Variants in MEGF11 observed in about 807,000 individuals in gnomAD.
The protein encoded by MEGF11 is multiple epidermal growth factor-like domains protein 11.
A neutral mutation model predicts 146.6 loss-of-function variants in MEGF11; 126 were observed. The ratio of observed to expected loss-of-function variants is 0.86; its 90% CI spans 0.74 to 1.00. The LOEUF (loss-of-function observed/expected upper bound fraction) is 1.00. MEGF11 is among the 50% of genes least tolerant of loss of function. The pLI is 0.00. For missense variants in MEGF11, 1,509 were observed against 1,521.2 expected (o/e 0.99, Z 0.13); for synonymous variants, 532 against 583.4 (o/e 0.91, Z 1.27).
At chr15:66,180,522 C>T (rs2141148794) in intron 1 of MEGF11, among the ~76,000 whole-genome samples, 1 of 152,340 alleles carries the variant, frequency 6.6e-6, no homozygotes, top group East Asian at 1.9e-4. Flanking sequence ...GTCTCATCCC[C>T]CTCCTGACAG....
chr15:66,145,657 G>T (rs530247678), intron 1 of MEGF11, among the ~76,000 whole-genome samples: 1 of 152,176 alleles, frequency 6.6e-6, no homozygotes, highest in African/African-American at 2.4e-5. Flanking sequence ...CTCAAATAAC[G>T]GAGATGGGGA....
rs1567188837 is a variant in MEGF11 at position 65,982,405 on chromosome 15, C to T, written c.478G>A (p.Ala160Thr). The T allele has an allele frequency of 3.3e-6, 5 of 1,534,114 alleles. No individual in the cohort carries two copies. The highest frequency in any genetic ancestry group is 3.5e-6 in the Non-Finnish European group (4 of 1,142,574). The change falls in exon 6 of 26, where the codon GCC becomes ACC. Residue 160 changes from alanine to threonine, a missense_variant. By Grantham distance (58) the Ala-to-Thr change is moderately conservative. Coordinates refer to ENST00000395614, the MANE Select transcript of MEGF11 (RefSeq NM_001385028.1). This position sits in a 1 kb window ranked among gnomAD's most constrained non-coding sequence, Gnocchi z 5.6. ...NGALCNPITG[A>T]CVCAAGFRGW... is the part of the protein sequence containing the mutation. ...CGGAAGCCGGCGGCGCACACGCAGGCGCCTGTGATGGGGTTACACAGGGCG... is the reference window on the plus strand; with the variant it reads ...CGGAAGCCGGCGGCGCACACGCAGGTGCCTGTGATGGGGTTACACAGGGCG...
chr15:66,163,300 A>G (rs2090005064), intron 1 of MEGF11, among the ~76,000 whole-genome samples: 1 of 152,236 alleles, frequency 6.6e-6, no homozygotes, highest in Non-Finnish European at 1.5e-5. Flanking sequence ...GAAGTTGCAC[A>G]TAACCATTAC....
chr15:66,108,429 A>G (rs2087209410), intron 4 of MEGF11, among the ~76,000 whole-genome samples: 1 of 152,240 alleles, frequency 6.6e-6, no homozygotes, highest in South Asian at 2.1e-4. Context: ...GAGGAGACAG[A>G]AATTTTAAAA....
chr15:66,234,699 C>T (rs1351079125), intron 1 of MEGF11, among the ~76,000 whole-genome samples: 1 of 152,248 alleles, frequency 6.6e-6, no homozygotes, highest in African/African-American at 2.4e-5. Context: ...TGGAGCCAGC[C>T]TCTGCCCAAG....
chr15:66,100,335 C>T (rs2086737845), intron 4 of MEGF11, among the ~76,000 whole-genome samples: 1 of 152,146 alleles, frequency 6.6e-6, no homozygotes, highest in Admixed American at 6.5e-5. Context: ...AGAGCAGGGG[C>T]CTGGAGTGCC....
chr15:66,195,436 G>A (rs2140068460), intron 1 of MEGF11, among the ~76,000 whole-genome samples: 1 of 152,334 alleles, frequency 6.6e-6, no homozygotes, highest in South Asian at 2.1e-4. Context: ...CATCGGGGTT[G>A]TGTCCTAGCC....
chr15:66,141,236 GTGTGTGTGTGTGTGT>G (rs2089136620), intron 1 of MEGF11, among the ~76,000 whole-genome samples: 4 of 58,354 alleles, frequency 6.9e-5, no homozygotes, highest in East Asian at 8.0e-4. Context: ...ACTCAGGGGT[GTGTGTGTGTGTGTGT>G]GTGTGTGTGT....
At chr15:65,900,140 A>T (rs1348999605) in intron 24 of MEGF11, among the ~76,000 whole-genome samples, 1 of 152,202 alleles carries the variant, frequency 6.6e-6, no homozygotes, top group African/African-American at 2.4e-5. Context: ...AGGGATCTAG[A>T]CACAAGCACT....
intron 1 of MEGF11, among the ~76,000 whole-genome samples, chr15:66,184,024 T>A (rs2141162698): frequency 6.6e-6 from 1 of 152,182 alleles, no homozygotes; most frequent in East Asian, 1.9e-4. Flanking sequence ...TTCTAGAAAA[T>A]GCATACTAAT....
chr15:66,115,197 G>C (rs1312267025), intron 4 of MEGF11, among the ~76,000 whole-genome samples: 1 of 152,356 alleles, frequency 6.6e-6, no homozygotes, highest in South Asian at 2.1e-4. Flanking sequence ...CTTGGCATCC[G>C]ATGGGTTCTC....
chr15:66,089,683 C>T (rs2086245537), intron 5 of MEGF11, among the ~76,000 whole-genome samples: 1 of 152,216 alleles, frequency 6.6e-6, no homozygotes, highest in Non-Finnish European at 1.5e-5. Context: ...ACGTCCTTCT[C>T]CGTACAGCTG....
intron 5 of MEGF11, among the ~76,000 whole-genome samples, chr15:66,041,475 G>A (rs1417871007): frequency 1.3e-5 from 2 of 152,234 alleles, no homozygotes; most frequent in African/African-American, 4.8e-5. Flanking sequence ...CCCCATGCAC[G>A]GAGGGTCGCC....
intron 21 of MEGF11, among the ~76,000 whole-genome samples, chr15:65,911,528 C>G (rs1261260964): frequency 6.6e-6 from 1 of 152,216 alleles, no homozygotes; most frequent in Non-Finnish European, 1.5e-5. Flanking sequence ...CCTCCTGCCT[C>G]AGCCTCGCAA....
intron 1 of MEGF11, among the ~76,000 whole-genome samples, chr15:66,248,717 T>C (rs1718100771): frequency 6.6e-6 from 1 of 152,236 alleles, no homozygotes; most frequent in South Asian, 2.1e-4. Context: ...TACTCACACT[T>C]GGCCCAGAGA....
intron 1 of MEGF11, among the ~76,000 whole-genome samples, chr15:66,189,393 C>T (rs2141183224): frequency 6.6e-6 from 1 of 152,258 alleles, no homozygotes; most frequent in South Asian, 2.1e-4. Context: ...TTACAGAGCA[C>T]CTGCTCATTT....
At chr15:66,042,783 C>T (rs771179919) in intron 5 of MEGF11, among the ~76,000 whole-genome samples, 8 of 152,146 alleles carry the variant, frequency 5.3e-5, no homozygotes, top group Non-Finnish European at 8.8e-5. Context: ...CATGGGATCC[C>T]CCATTTGCAT....
At chr15:66,066,887 C>G (rs909772971) in intron 5 of MEGF11, among the ~76,000 whole-genome samples, 31 of 152,230 alleles carry the variant, frequency 2.0e-4, no homozygotes, top group African/African-American at 7.5e-4. Flanking sequence ...AGAGAGAGAC[C>G]CCCAGAAAGG....
At chr15:65,901,185 C>T (rs1341231867) in intron 24 of MEGF11, among the ~76,000 whole-genome samples, 1 of 152,134 alleles carries the variant, frequency 6.6e-6, no homozygotes, top group East Asian at 1.9e-4. Context: ...AGTCCAAGAA[C>T]CCCAGCATGG....
Sources: gnomAD v4.1 joint callset for allele counts (sites outside exome capture counted in the v4.1 genomes callset) on GRCh38, gnomAD v4.1.1 for gene constraint, Gnocchi (gnomAD v3.1) non-coding constraint, MANE v1.5 for transcripts, NCBI Gene and HGNC (gene_info 2026-07-23, HGNC 2026-07-21) for gene names.